RGS12: variants seen among roughly 807,000 people sequenced by gnomAD.
RGS12 encodes the protein regulator of G protein signaling 12, also known as regulator of G-protein signaling 12.
A neutral mutation model predicts 120.1 loss-of-function variants in RGS12; 66 were observed. The observed-to-expected ratio is 0.55, with a 90% CI of 0.45 to 0.67. The LOEUF (loss-of-function observed/expected upper bound fraction) is 0.67, where lower values mean the gene tolerates loss of function less well. Ranked by LOEUF, RGS12 falls within the 30% of genes least tolerant of loss-of-function variation. The pLI is 0.00. For missense variants in RGS12, 1,859 were observed against 1,957.7 expected (o/e 0.95, Z 0.95); for synonymous variants, 827 against 804.7 (o/e 1.03, Z -0.47).
At chr4:3,344,565 G>A (rs1443346207) in intron 3 of RGS12, among the ~76,000 whole-genome samples, 1 of 152,210 alleles carries the variant, frequency 6.6e-6, no homozygotes, top group Non-Finnish European at 1.5e-5. Context: ...TGATATGTGG[G>A]TCTGGGCCAC....
chr4:3,439,578 C>G lies in RGS12; in HGVS notation c.4238C>G (p.Ser1413Trp), dbSNP rs373318269. Residue 1413 changes from serine to tryptophan, a missense_variant, in exon 18 of 18, where the codon TCG becomes TGG. By Grantham distance (177) the Ser-to-Trp change is radical (BLOSUM62 -3). Around this residue, in one of 3 missense-constraint regions of RGS12, gnomAD observed 517 missense variants for 488.5 expected, o/e 1.06. Transcript: ENST00000336727. The stretch of plus-strand genomic sequence containing the variant: ...GGGGCACAGGCTGGCCCTGGGAGGT[C>G]GCAGGCCAGTGGTGGGCCTCCTACA... Reference protein sequence around the residue: ...IAGAQAGPGRSQASGGPPTSD... With the variant: ...IAGAQAGPGRWQASGGPPTSD... The G allele has an allele frequency of 6.2e-7, 1 of 1,611,260 alleles. No individual in the cohort carries two copies. The highest frequency in any genetic ancestry group is 1.1e-5 in the South Asian group (1 of 90,874).
chr4:3,309,795 A>T (rs1724242775), intron 1 of RGS12, among the ~76,000 whole-genome samples: 2 of 137,122 alleles, frequency 1.5e-5, no homozygotes, highest in Admixed American at 1.4e-4. Flanking sequence ...TGCTGAGGGG[A>T]ACCGTGTTGA....
At chr4:3,340,233 G>A (rs758457216) in intron 2 of RGS12, among the ~76,000 whole-genome samples, 4 of 152,188 alleles carry the variant, frequency 2.6e-5, no homozygotes, top group African/African-American at 9.6e-5. Flanking sequence ...GGAGCCGGGC[G>A]CTGTGCTGGG....
Position 3,414,813 on chromosome 4 carries a change from T to C in RGS12, c.2252T>C (p.Phe751Ser). The change falls in exon 6 of 18, where the codon TTT becomes TCT. Residue 751 changes from phenylalanine (F) to serine (S), a missense_variant. Phe to Ser is a radical substitution (Grantham distance 155, BLOSUM62 -2). Around this residue, in one of 3 missense-constraint regions of RGS12, gnomAD observed 375 missense variants for 475.0 expected, o/e 0.79. Coordinates refer to ENST00000336727, the MANE Select transcript of RGS12 (RefSeq NM_001394154.1). ...NILFWQACEY[F>S]NHVPAHDKKE... Reference sequence around the variant, plus strand: ...TTATTCTGGCAGGCCTGTGAATATTTTAATCATGTTCCTGCACATGACAAA... The same window carrying C: ...TTATTCTGGCAGGCCTGTGAATATTCTAATCATGTTCCTGCACATGACAAA... The C allele has an allele frequency of 6.2e-7, 1 of 1,613,758 alleles. No individual in the cohort carries two copies. Among genetic ancestry groups the C allele is most frequent in the Non-Finnish European group, 8.5e-7 (1 of 1,179,680 alleles).
At chr4:3,422,680 C>A in intron 11 of RGS12, 110 bp downstream of exon 11, 3 of 1,258,104 alleles carry the variant, frequency 2.4e-6, no homozygotes, top group Non-Finnish European at 3.3e-6. Flanking sequence ...CTCCTCATTT[C>A]AACAGCGCCT....
intron 1 of RGS12, among the ~76,000 whole-genome samples, chr4:3,305,410 C>T: frequency 6.6e-6 from 1 of 152,130 alleles, no homozygotes; most frequent in Non-Finnish European, 1.5e-5. Context: ...AAATACACTC[C>T]CCGCAAGGTC....
At chr4:3,415,900 G>T in intron 6 of RGS12, 78 bp from the exon 7 acceptor site, 1 of 1,484,880 alleles carries the variant, frequency 6.7e-7, no homozygotes, top group Admixed American at 2.0e-5. Context: ...TAGAGCCCGG[G>T]GGTGTCGGGC....
At chr4:3,299,312 T>C (rs1215418805) in intron 1 of RGS12, among the ~76,000 whole-genome samples, 1 of 152,078 alleles carries the variant, frequency 6.6e-6, no homozygotes, top group African/African-American at 2.4e-5. Flanking sequence ...CCCTCACTGT[T>C]CAGCCACCCA....
At chr4:3,379,541 T>C (rs1327633981) in intron 3 of RGS12, among the ~76,000 whole-genome samples, 2 of 152,226 alleles carry the variant, frequency 1.3e-5, no homozygotes, top group Admixed American at 1.3e-4. Flanking sequence ...CTCGTGCTGC[T>C]ATGAAGAAAT....
At chr4:3,424,498 C>T (rs1723389275) in intron 13 of RGS12, among the ~76,000 whole-genome samples, 1 of 152,236 alleles carries the variant, frequency 6.6e-6, no homozygotes, top group Non-Finnish European at 1.5e-5. Flanking sequence ...CAGGTGTGCC[C>T]CTCTGGCCGA....
upstream of RGS12, among the ~76,000 whole-genome samples, chr4:3,290,320 C>A (rs1722981809): frequency 6.6e-6 from 1 of 152,248 alleles, no homozygotes; most frequent in Non-Finnish European, 1.5e-5. Flanking sequence ...AACATCTCCA[C>A]CCATCTCCAG....
In RGS12 at chr4:3,317,603, C is replaced by T. The variant is rs545165653; in HGVS notation, c.1433C>T (p.Pro478Leu). 63 of 1,588,862 alleles carry T rather than the reference C, an allele frequency of 4.0e-5. No individual in the cohort carries two copies. The highest frequency in any genetic ancestry group is 2.5e-4 in the South Asian group (22 of 88,016). Residue 478 changes from proline to leucine, a missense_variant, in exon 2 of 18, where the codon CCG (proline) becomes CTG (leucine). Transcript: ENST00000336727. ...WGAPWTGPFC[P>L]DPEGSPPFEA... ...GCTCCCTGGACTGGGCCCTTCTGTC[C>T]GGACCCCGAAGGGAGCCCCCCATTT...
Position 3,439,583 on chromosome 4 carries a change from G to C in RGS12, c.4243G>C (p.Ala1415Pro). Reference sequence around the variant, plus strand: ...ACAGGCTGGCCCTGGGAGGTCGCAGGCCAGTGGTGGGCCTCCTACATCAGA... The same window carrying C: ...ACAGGCTGGCCCTGGGAGGTCGCAGCCCAGTGGTGGGCCTCCTACATCAGA... Reference protein sequence around the residue: ...GAQAGPGRSQASGGPPTSDLP... With the variant: ...GAQAGPGRSQPSGGPPTSDLP... Residue 1415 changes from alanine (A) to proline (P), a missense_variant, in exon 18 of 18, where the codon GCC becomes CCC. This residue lies in a region of RGS12 where 517 missense variants were observed against 488.5 expected (regional missense o/e 1.06). Transcript: ENST00000336727. 2 of 1,611,052 alleles carry C rather than the reference G, an allele frequency of 1.2e-6. No individual in the cohort carries two copies. Among genetic ancestry groups the C allele is most frequent in the Non-Finnish European group, 1.7e-6 (2 of 1,178,978 alleles).
upstream of RGS12, chr4:3,292,889 T>C (rs1245464986): frequency 2.0e-5 from 3 of 149,000 alleles, no homozygotes; most frequent in African/African-American, 7.4e-5. Context: ...CCCCGCCCCG[T>C]GCCCCGCCCC....
intron 2 of RGS12, chr4:3,342,587 T>C: frequency 7.6e-7 from 1 of 1,313,664 alleles, no homozygotes; most frequent in Non-Finnish European, 9.9e-7. Context: ...GTGTACTGTG[T>C]CCACTTTCCA....
At chr4:3,327,386 T>A (rs1419634415) in intron 2 of RGS12, among the ~76,000 whole-genome samples, 1 of 152,190 alleles carries the variant, frequency 6.6e-6, no homozygotes, top group African/African-American at 2.4e-5. Context: ...GCAAATAATT[T>A]ATTGTTGAAT....
At position 3,433,158 on chromosome 4, in the gene RGS12, T is replaced by A. The variant is rs6818397; in HGVS notation, c.4114+2203T>A. On this transcript the variant is annotated intron_variant, in intron 17 of 17. Transcript: ENST00000336727. The surrounding 1 kb of genome is among the most constrained non-coding windows in gnomAD (Gnocchi z 4.4). ...TGGACTGAGTGCTGACCTGTCCGTT[T>A]TCAGGGTTTAGGAGCTTGGGGGTCA... Among the ~76,000 whole-genome samples the A allele has an allele frequency of 1.3e-5, 2 of 152,064 alleles. No homozygotes were observed. Among genetic ancestry groups the A allele is most frequent in the African/African-American group, 2.4e-5 (1 of 41,400 alleles).
At chr4:3,336,060 C>T (rs1712425308) in intron 2 of RGS12, among the ~76,000 whole-genome samples, 1 of 152,158 alleles carries the variant, frequency 6.6e-6, no homozygotes, top group African/African-American at 2.4e-5. Flanking sequence ...CCACTGGACT[C>T]CAGCCTGGGT....
the RGS12 span, among the ~76,000 whole-genome samples, chr4:3,287,710 TA>T: frequency 6.6e-6 from 1 of 152,290 alleles, no homozygotes; most frequent in Non-Finnish European, 1.5e-5. Context: ...GTATTCTGGT[TA>T]AAAACATTAT....
Sources: allele counts gnomAD v4.1 joint callset (sites outside exome capture counted in the v4.1 genomes callset), GRCh38; gene constraint gnomAD v4.1.1; regional missense constraint gnomAD v4.1.1; non-coding constraint Gnocchi (gnomAD v3.1); transcripts MANE v1.5; gene names NCBI Gene and HGNC (gene_info 2026-07-23, HGNC 2026-07-21).